RPS6KA2: variants seen among roughly 807,000 people sequenced by gnomAD.
RPS6KA2 encodes the protein ribosomal protein S6 kinase alpha-2.
RPS6KA2 carries 42 observed loss-of-function variants against 91.8 expected under a neutral mutation model. The ratio of observed to expected loss-of-function variants is 0.46; its 90% CI spans 0.36 to 0.59. The LOEUF (loss-of-function observed/expected upper bound fraction) is 0.59, where lower values mean the gene tolerates loss of function less well. Among genes scored for constraint, RPS6KA2 ranks in the 20% least tolerant of loss-of-function variants. The pLI, the probability that RPS6KA2 is intolerant of heterozygous loss-of-function variation, is 0.00. For synonymous variants in RPS6KA2, 414 were observed against 393.6 expected (o/e 1.05, Z -0.61); for missense variants, 798 against 978.5 (o/e 0.82, Z 2.46).
intron 1 of RPS6KA2, among the ~76,000 whole-genome samples, chr6:166,606,403 T>C (rs532911632): frequency 5.5e-4 from 84 of 152,302 alleles, no homozygotes; most frequent in African/African-American, 2.0e-3. Context: ...CAAAAATATA[T>C]CCTGAATACA....
intron 1 of RPS6KA2, among the ~76,000 whole-genome samples, chr6:166,549,931 G>T (rs1783944187): frequency 6.6e-6 from 1 of 152,192 alleles, no homozygotes; most frequent in Non-Finnish European, 1.5e-5. Context: ...GTGTTTTGCA[G>T]CTTCCTGTGA....
intron 1 of RPS6KA2, among the ~76,000 whole-genome samples, chr6:166,593,709 A>G (rs1355122633): frequency 6.6e-6 from 1 of 152,256 alleles, no homozygotes; most frequent in Non-Finnish European, 1.5e-5. Context: ...AAGAGCTCTT[A>G]CGAATCAGTA....
At chr6:166,659,761 G>T (rs1450943004) in intron 2 of RPS6KA2, among the ~76,000 whole-genome samples, 1 of 152,178 alleles carries the variant, frequency 6.6e-6, no homozygotes, top group East Asian at 1.9e-4. Flanking sequence ...GCCCAGGCTG[G>T]CCCTGCCGCC....
At chr6:166,659,146 C>T (rs1788085648) in intron 2 of RPS6KA2, among the ~76,000 whole-genome samples, 1 of 142,762 alleles carries the variant, frequency 7.0e-6, no homozygotes, top group South Asian at 2.3e-4. Flanking sequence ...CAAAATGAAG[C>T]ACTAATGAGC....
chr6:166,505,219 T>C (rs915460645), intron 5 of RPS6KA2, among the ~76,000 whole-genome samples: 23 of 151,840 alleles, frequency 1.5e-4, no homozygotes, highest in Admixed American at 4.6e-4. Context: ...GGTTTCCAGG[T>C]GTTGGGGTTG....
intron 2 of RPS6KA2, among the ~76,000 whole-genome samples, chr6:166,694,309 G>T (rs1241882314): frequency 6.6e-6 from 1 of 152,206 alleles, no homozygotes; most frequent in African/African-American, 2.4e-5. Context: ...GGCCTGGCTG[G>T]CACTTCTCCT....
intron 1 of RPS6KA2, among the ~76,000 whole-genome samples, chr6:166,585,498 C>CTTTTTTTTTTTTT (rs58153048): frequency 1.5e-4 from 13 of 86,290 alleles, no homozygotes; most frequent in African/African-American, 5.6e-4. Context: ...TCAAACAAGT[C>CTTTTTTTTTTTTT]TTTTTTTTTT....
chr6:166,613,640 A>C (rs1294915240), intron 1 of RPS6KA2, among the ~76,000 whole-genome samples: 1 of 152,216 alleles, frequency 6.6e-6, no homozygotes. Context: ...AGAGCTTGCT[A>C]GCTCAGTTTC....
At chr6:166,717,445 T>C (rs1480983757) in intron 2 of RPS6KA2, among the ~76,000 whole-genome samples, 1 of 152,152 alleles carries the variant, frequency 6.6e-6, no homozygotes, top group Non-Finnish European at 1.5e-5. Flanking sequence ...CTCTCCCAGC[T>C]CTGCTCTGCC....
chr6:166,540,413 C>T (rs1380752677), intron 1 of RPS6KA2, among the ~76,000 whole-genome samples: 1 of 151,242 alleles, frequency 6.6e-6, no homozygotes, highest in East Asian at 2.0e-4. Context: ...GTCTCCATAT[C>T]TTCAAGGATG....
At chr6:166,498,797 G>A in intron 7 of RPS6KA2, 147 bp from the exon 8 acceptor site, 2 of 1,044,276 alleles carry the variant, frequency 1.9e-6, no homozygotes, top group Admixed American at 5.2e-5. Flanking sequence ...GCGGGACCAT[G>A]TGAGTGCTTC....
At position 166,482,685 on chromosome 6, in the gene RPS6KA2, G is replaced by A. The variant is rs75050744; in HGVS notation, c.907+6148C>T. Among the ~76,000 whole-genome samples the A allele has an allele frequency of 1.2e-4, 18 of 152,260 alleles. No homozygotes were observed. In the East Asian group the frequency reaches 3.3e-3, roughly 28 times the overall value. On this transcript the variant is annotated intron_variant, in intron 10 of 20. Coordinates refer to ENST00000265678, the MANE Select transcript of RPS6KA2 (RefSeq NM_021135.6). ...TCAGGCTGGCTTCACAGGGTTAGCCGTTGGAGGAGAGAAAACCCACCCAAA... is the reference window on the plus strand; with the variant it reads ...TCAGGCTGGCTTCACAGGGTTAGCCATTGGAGGAGAGAAAACCCACCCAAA...
chr6:166,646,820 A>C (rs1007805927), intron 2 of RPS6KA2, among the ~76,000 whole-genome samples: 1 of 152,126 alleles, frequency 6.6e-6, no homozygotes, highest in African/African-American at 2.4e-5. Flanking sequence ...CTCCTGCTCC[A>C]TTCTAATTCA....
chr6:166,825,322 C>A lies in RPS6KA2; in HGVS notation c.123+32878G>T, dbSNP rs573350250. ...GGTACCCGTGGCTGTGAGGGGAAGGCGACTATTCTGAAGAGAATAACTTTA... is the reference window on the plus strand; with the variant it reads ...GGTACCCGTGGCTGTGAGGGGAAGGAGACTATTCTGAAGAGAATAACTTTA... On this transcript the variant is annotated intron_variant, in intron 2 of 21. Transcript: ENST00000503859. This position sits in a 1 kb window ranked among gnomAD's most constrained non-coding sequence, Gnocchi z 4.1. Among the ~76,000 whole-genome samples, 1 of 152,144 alleles carries A rather than the reference C, an allele frequency of 6.6e-6. No homozygotes were observed. Among genetic ancestry groups the A allele is most frequent in the African/African-American group, 2.4e-5 (1 of 41,422 alleles).
chr6:166,627,044 C>T lies in RPS6KA2; in HGVS notation c.-25G>A, dbSNP rs1480539541. On this transcript the variant is annotated 5_prime_UTR_variant, in exon 1 of 21. Transcript: ENST00000265678. ...TCGCCCCGCGCCCAGCCCGGAGCAG[C>T]CGCAGGGCCGGGGGACGCGCATCCC... 19 of 1,408,842 alleles carry T rather than the reference C, an allele frequency of 1.3e-5. No homozygotes were observed. Among genetic ancestry groups the T allele is most frequent in the Non-Finnish European group, 1.8e-5 (19 of 1,065,982 alleles). 87.3% of individuals were successfully genotyped at this position (1,408,842 alleles called of 1,614,324 possible). A position where few individuals can be genotyped will look rare whatever the true frequency, so the allele number is the denominator to read the frequency against.
intron 1 of RPS6KA2, among the ~76,000 whole-genome samples, chr6:166,569,220 G>T (rs566883883): frequency 1.4e-4 from 22 of 152,168 alleles, no homozygotes; most frequent in Non-Finnish European, 2.8e-4. Flanking sequence ...CTGAGACCCC[G>T]CAGGGGCCTT....
chr6:166,657,552 G>A (rs1788039179), intron 2 of RPS6KA2, among the ~76,000 whole-genome samples: 1 of 152,202 alleles, frequency 6.6e-6, no homozygotes, highest in Non-Finnish European at 1.5e-5. Flanking sequence ...AGGGGAGGGA[G>A]GTGTTGGTGA....
intron 1 of RPS6KA2, among the ~76,000 whole-genome samples, chr6:166,581,741 C>A (rs1440213433): frequency 2.0e-5 from 3 of 151,670 alleles, no homozygotes; most frequent in African/African-American, 7.2e-5. Flanking sequence ...GGAGGGAACA[C>A]CCGCTGGGCA....
chr6:166,617,862 G>A (rs1488762513), intron 1 of RPS6KA2, among the ~76,000 whole-genome samples: 2 of 152,206 alleles, frequency 1.3e-5, no homozygotes, highest in African/African-American at 4.8e-5. Context: ...TCCAGCCTGC[G>A]GCACCTTCCT....
Sources: allele counts gnomAD v4.1 joint callset (sites outside exome capture counted in the v4.1 genomes callset), GRCh38; gene constraint gnomAD v4.1.1; non-coding constraint Gnocchi (gnomAD v3.1); transcripts MANE v1.5; gene names NCBI Gene and HGNC (gene_info 2026-07-23, HGNC 2026-07-21).